The following CDH13 variants were observed in gnomAD, a reference collection of about 807,000 sequenced individuals.
CDH13 encodes cadherin 13, also known as cadherin-13.
CDH13 carries 24 observed loss-of-function variants against 63.8 expected under a neutral mutation model. The ratio of observed to expected loss-of-function variants is 0.38; its 90% CI spans 0.27 to 0.53. The LOEUF is 0.53. CDH13 is among the 20% of genes least tolerant of loss of function. The probability of loss-of-function intolerance (pLI) is 0.85; values close to 1 mark genes in which losing one functional copy is unlikely to be tolerated. For missense variants in CDH13, 1,049 were observed against 903.1 expected (o/e 1.16, Z -2.07); for synonymous variants, 503 against 355.3 (o/e 1.42, Z -4.67).
chr16:83,289,534 T>G (rs1223781808), intron 5 of CDH13, among the ~76,000 whole-genome samples: 1 of 152,190 alleles, frequency 6.6e-6, no homozygotes, highest in Non-Finnish European at 1.5e-5. Flanking sequence ...CTCTGCTGCA[T>G]TTTATCCTTC....
At chr16:83,608,737 G>C (rs1908587823) in intron 8 of CDH13, among the ~76,000 whole-genome samples, 1 of 150,542 alleles carries the variant, frequency 6.6e-6, no homozygotes, top group Non-Finnish European at 1.5e-5. Flanking sequence ...TGAACTATTG[G>C]GCCCAAGCAA....
At chr16:83,036,044 G>T (rs551147683) in intron 3 of CDH13, among the ~76,000 whole-genome samples, 48 of 152,100 alleles carry the variant, frequency 3.2e-4, no homozygotes, top group African/African-American at 1.1e-3. Flanking sequence ...AGGAGACTGA[G>T]ACACAATGGG....
intron 7 of CDH13, among the ~76,000 whole-genome samples, chr16:83,510,653 C>G (rs1341971907): frequency 6.6e-6 from 1 of 152,170 alleles, no homozygotes. Flanking sequence ...AAAGCTGATG[C>G]TCTCAACACC....
intron 2 of CDH13, among the ~76,000 whole-genome samples, chr16:82,880,425 G>A: frequency 6.6e-6 from 1 of 152,176 alleles, no homozygotes; most frequent in East Asian, 1.9e-4. Context: ...CCTGCCGAGG[G>A]CCTTCATCTA....
intron 8 of CDH13, among the ~76,000 whole-genome samples, chr16:83,622,673 A>G (rs958131602): frequency 6.6e-6 from 1 of 152,354 alleles, no homozygotes; most frequent in African/African-American, 2.4e-5. Context: ...TTTTTACATT[A>G]GCCCGCTCTC....
intron 8 of CDH13, among the ~76,000 whole-genome samples, chr16:83,646,977 C>G (rs1002405576): frequency 6.6e-6 from 1 of 152,074 alleles, no homozygotes; most frequent in Non-Finnish European, 1.5e-5. Context: ...ACACCAGGCA[C>G]CTGGGACTGC....
rs559659429 is a variant in CDH13, at chr16:83,748,181, G to A, written c.1612G>A (p.Val538Met). The A allele has an allele frequency of 2.4e-5, 38 of 1,613,904 alleles. No individual in the cohort carries two copies. In the South Asian group the frequency reaches 4.1e-4, roughly 17 times the overall value. ...PINGTVDTTA[V>M]LDRESPFVDN... ...CAATGGGACTGTTGACACCACAGCTGTGCTGGACCGTGAGTCCCCATTTGT... is the reference window on the plus strand; with the variant it reads ...CAATGGGACTGTTGACACCACAGCTATGCTGGACCGTGAGTCCCCATTTGT... The change falls in exon 11 of 14, where the codon GTG becomes ATG. Residue 538 changes from valine (V) to methionine (M), a missense_variant. Val to Met is a conservative substitution (Grantham distance 21). Transcript: ENST00000567109.
chr16:83,287,933 T>A (rs1180240241), intron 5 of CDH13, among the ~76,000 whole-genome samples: 1 of 152,112 alleles, frequency 6.6e-6, no homozygotes, highest in Non-Finnish European at 1.5e-5. Context: ...AGGATCAAAA[T>A]CAATGCAGAA....
intron 5 of CDH13, among the ~76,000 whole-genome samples, chr16:83,317,716 C>T (rs1331654364): frequency 6.6e-6 from 1 of 151,914 alleles, no homozygotes. Context: ...AGGAGAATCG[C>T]TTGAACCCGG....
rs142181240 is a variant in CDH13, at chr16:82,895,951, G to A, written c.157+37478G>A. On this transcript the variant is annotated intron_variant, in intron 2 of 13. Transcript: ENST00000567109. The stretch of plus-strand genomic sequence containing the variant: ...AGCTTGTGGCTGCCTCAAAGCCTTC[G>A]CAGGCATTATCCCTCTTGCAAATTT... 3.8e-3 allele frequency among the ~76,000 whole-genome samples: 585 copies of A among 152,242 alleles called. 3 individuals are homozygous for A. Among genetic ancestry groups the A allele is most frequent in the African/African-American group, 0.013 (550 of 41,550 alleles).
chr16:82,720,807 G>A (rs1322872922), intron 1 of CDH13, among the ~76,000 whole-genome samples: 2 of 152,210 alleles, frequency 1.3e-5, no homozygotes, highest in Non-Finnish European at 2.9e-5. Context: ...GTCACAGTGA[G>A]TTGGCATTGC....
chr16:83,151,043 C>T (rs1254623929), intron 4 of CDH13, among the ~76,000 whole-genome samples: 1 of 152,080 alleles, frequency 6.6e-6, no homozygotes, highest in Non-Finnish European at 1.5e-5. Flanking sequence ...TAGGTGTGTA[C>T]ATTTTGCTTG....
Position 82,645,441 on chromosome 16 carries a change from G to A in CDH13, c.45+18304G>A, listed in dbSNP as rs185987499. Among the ~76,000 whole-genome samples, 656 of 152,134 alleles carry A rather than the reference G, an allele frequency of 4.3e-3. 1 individual carries two copies. The highest frequency in any genetic ancestry group is 5.8e-3 in the Non-Finnish European group (392 of 68,004). On this transcript the variant is annotated intron_variant, in intron 1 of 13. Transcript: ENST00000567109. ...TGGGGTGAGGGGGGTTGTGACCCTC[G>A]GGACAGTTTGCAATATCTACAGACA...
At chr16:83,740,558 G>T in intron 10 of CDH13, among the ~76,000 whole-genome samples, 1 of 152,172 alleles carries the variant, frequency 6.6e-6, no homozygotes, top group Non-Finnish European at 1.5e-5. Context: ...TCTGTAAAAA[G>T]CAAAGTTTTG....
intron 4 of CDH13, among the ~76,000 whole-genome samples, chr16:83,151,036 G>C (rs2036957798): frequency 6.6e-6 from 1 of 152,054 alleles, no homozygotes; most frequent in Admixed American, 6.6e-5. Flanking sequence ...CATATAGTAG[G>C]TGTGTACATT....
chr16:82,744,238 G>A (rs1006565257), intron 1 of CDH13, among the ~76,000 whole-genome samples: 3 of 152,234 alleles, frequency 2.0e-5, no homozygotes, highest in Non-Finnish European at 4.4e-5. Context: ...AAAGTCCAAA[G>A]CGAAGCAAGA....
chr16:83,172,945 A>C (rs1567475166), intron 4 of CDH13, among the ~76,000 whole-genome samples: 1 of 152,062 alleles, frequency 6.6e-6, no homozygotes, highest in Non-Finnish European at 1.5e-5. Flanking sequence ...TGCTGAACCA[A>C]GCCAACACTC....
At chr16:83,533,349 G>A (rs1280597091) in intron 7 of CDH13, among the ~76,000 whole-genome samples, 1 of 152,192 alleles carries the variant, frequency 6.6e-6, no homozygotes, top group Non-Finnish European at 1.5e-5. Flanking sequence ...ATGCCCAGAG[G>A]TGAGTCATTT....
intron 5 of CDH13, among the ~76,000 whole-genome samples, chr16:83,301,876 G>A (rs1347004375): frequency 3.3e-5 from 5 of 151,842 alleles, no homozygotes; most frequent in Non-Finnish European, 7.4e-5. Context: ...GCAGGGAGAG[G>A]GGTGCTCTGG....
Sources: gnomAD v4.1 joint callset for allele counts (sites outside exome capture counted in the v4.1 genomes callset) on GRCh38, gnomAD v4.1.1 for gene constraint, MANE v1.5 for transcripts, NCBI Gene and HGNC (gene_info 2026-07-23, HGNC 2026-07-21) for gene names.